Variants in CASZ1 observed in about 807,000 individuals in gnomAD.
CASZ1 encodes castor zinc finger 1, also known as zinc finger protein castor homolog 1.
In CASZ1, 28 loss-of-function variants were observed where a neutral mutation model predicts 135.2. The observed-to-expected ratio is 0.21, with a 90% CI of 0.15 to 0.28. The LOEUF (loss-of-function observed/expected upper bound fraction) is 0.28, where lower values mean the gene tolerates loss of function less well. CASZ1 is among the 10% of genes least tolerant of loss of function. The pLI, the probability that CASZ1 is intolerant of heterozygous loss-of-function variation, is 1.00. For synonymous variants in CASZ1, 1,068 were observed against 1,073.4 expected, an observed-to-expected ratio of 0.99 and a Z score of 0.10; for missense variants, 2,161 against 2,453.3, an observed-to-expected ratio of 0.88 and a Z score of 2.52.
chr1:10,750,604 T>C (rs914122858), intron 2 of CASZ1, among the ~76,000 whole-genome samples: 4 of 151,958 alleles, frequency 2.6e-5, no homozygotes, highest in African/African-American at 7.2e-5. Flanking sequence ...TGCGCACTTA[T>C]AGAAGGAGGC....
At chr1:10,705,950 C>G (rs1342574375) in intron 2 of CASZ1, among the ~76,000 whole-genome samples, 3 of 152,240 alleles carry the variant, frequency 2.0e-5, no homozygotes, top group Admixed American at 6.5e-5. Flanking sequence ...GGGACAATGA[C>G]AGAATACAGC....
chr1:10,728,524 G>A (rs1639636975), intron 2 of CASZ1, among the ~76,000 whole-genome samples: 1 of 152,138 alleles, frequency 6.6e-6, no homozygotes, highest in African/African-American at 2.4e-5. Context: ...TTTCTGAATT[G>A]TTTCTCTCCC....
rs1031236015 is a variant in CASZ1, at chr1:10,762,253, C to T, written c.-233-1396G>A. Among the ~76,000 whole-genome samples the T allele has an allele frequency of 6.6e-6, 1 of 151,896 alleles. No homozygotes were observed. Among genetic ancestry groups the T allele is most frequent in the African/African-American group, 2.4e-5 (1 of 41,314 alleles). On this transcript the variant is annotated intron_variant, in intron 1 of 20. Transcript: ENST00000377022. The surrounding 1 kb of genome is among the most constrained non-coding windows in gnomAD (Gnocchi z 4.1). ...GAGGCCATCAGGGGTGGACAGCATC[C>T]ACTGTCCAAGGCTTGGATCAGCCCA... is the stretch of plus-strand genomic sequence containing the variant.
At chr1:10,792,982 AC>A (rs1640991817) in intron 1 of CASZ1, among the ~76,000 whole-genome samples, 1 of 152,064 alleles carries the variant, frequency 6.6e-6, no homozygotes, top group Non-Finnish European at 1.5e-5. Flanking sequence ...ATATACCTCA[AC>A]CCCCACAGGC....
intron 3 of CASZ1, among the ~76,000 whole-genome samples, chr1:10,703,176 CCT>C (rs1235871540): frequency 2.6e-5 from 4 of 152,140 alleles, no homozygotes. Flanking sequence ...CTGCAGCAGA[CCT>C]CTGGCCGCGG....
intron 18 of CASZ1, among the ~76,000 whole-genome samples, chr1:10,644,440 A>G (rs927084794): frequency 6.6e-6 from 1 of 152,154 alleles, no homozygotes; most frequent in Non-Finnish European, 1.5e-5. Flanking sequence ...CCCCTGTGAC[A>G]GCACCCAGCC....
Position 10,741,733 on chromosome 1 carries a change from C to A in CASZ1, c.-77+18968G>T, listed in dbSNP as rs1029421241. On this transcript the variant is annotated intron_variant, in intron 2 of 20. Coordinates refer to ENST00000377022, the MANE Select transcript of CASZ1 (RefSeq NM_001079843.3). This position sits in a 1 kb window ranked among gnomAD's most constrained non-coding sequence, Gnocchi z 5.0. ...TCCTACTAGGCCCTGGAATGCCAGA[C>A]ATTTTGCAGCTTTTATAACATGTGT... Among the ~76,000 whole-genome samples, 1 of 152,178 alleles carries A rather than the reference C, an allele frequency of 6.6e-6. No homozygotes were observed. The highest frequency in any genetic ancestry group is 1.5e-5 in the Non-Finnish European group (1 of 68,016).
rs1231982093 is a variant in CASZ1, at chr1:10,639,655, G to A, written c.4567C>T (p.Arg1523Cys). ...THFHCLRCRF[R>C]CTDSTKVTAH... Reference sequence around the variant, plus strand: ...GTGACCTTGGTGCTGTCGGTGCAGCGGAAGCGGCAGCGCAGGCAGTGGAAG... The same window carrying A: ...GTGACCTTGGTGCTGTCGGTGCAGCAGAAGCGGCAGCGCAGGCAGTGGAAG... Residue 1523 changes from arginine (R) to cysteine (C), a missense_variant, in exon 21 of 21, where the codon CGC becomes TGC. Arg to Cys is a radical substitution (Grantham distance 180). This residue lies in a region of CASZ1 where 240 missense variants were observed against 321.4 expected (regional missense o/e 0.75). Coordinates refer to ENST00000377022, the MANE Select transcript of CASZ1 (RefSeq NM_001079843.3). The surrounding 1 kb of genome is among the most constrained non-coding windows in gnomAD (Gnocchi z 4.0). 2.5e-6 allele frequency: 4 copies of A among 1,604,484 alleles called. No individual in the cohort carries two copies. Among genetic ancestry groups the A allele is most frequent in the East Asian group, 2.2e-5 (1 of 44,578 alleles).
At chr1:10,789,528 C>T (rs1640917117) in intron 1 of CASZ1, among the ~76,000 whole-genome samples, 1 of 151,544 alleles carries the variant, frequency 6.6e-6, no homozygotes, top group Non-Finnish European at 1.5e-5. Flanking sequence ...GTCCCTGTCT[C>T]TCTCTCTCTC....
At chr1:10,745,092 C>A (rs1368277477) in intron 2 of CASZ1, among the ~76,000 whole-genome samples, 1 of 152,176 alleles carries the variant, frequency 6.6e-6, no homozygotes, top group Non-Finnish European at 1.5e-5. Flanking sequence ...CTTTGCTTGA[C>A]AAAGAAGATC....
Position 10,655,825 on chromosome 1 carries a change from C to G in CASZ1, c.1501-12G>C. ...TTACTCGTGAACCTCTGCCAGGAGA[C>G]AGCGCCACGTGGGCAGGAGCCTGAG... On this transcript the variant is annotated splice_polypyrimidine_tract_variant and intron_variant, in intron 8 of 20. Coordinates refer to ENST00000377022, the MANE Select transcript of CASZ1 (RefSeq NM_001079843.3). The G allele has an allele frequency of 1.9e-6, 3 of 1,611,774 alleles. No homozygotes were observed. The South Asian group carries it at 3.3e-5, about 18-fold the overall frequency.
At chr1:10,737,562 T>C (rs963563428) in intron 2 of CASZ1, among the ~76,000 whole-genome samples, 1 of 152,244 alleles carries the variant, frequency 6.6e-6, no homozygotes, top group East Asian at 1.9e-4. Context: ...GTTGTTTGCA[T>C]ACCCTGAGAT....
intron 1 of CASZ1, among the ~76,000 whole-genome samples, chr1:10,792,315 C>T (rs1570598096): frequency 5.6e-5 from 1 of 17,826 alleles, no homozygotes; most frequent in Admixed American, 2.9e-4. Context: ...ACATGGCTTA[C>T]CCCTCCCCCC....
chr1:10,784,281 G>T (rs945516349), intron 1 of CASZ1, among the ~76,000 whole-genome samples: 1 of 152,110 alleles, frequency 6.6e-6, no homozygotes, highest in Non-Finnish European at 1.5e-5. Flanking sequence ...TGTCCCATGG[G>T]GGGGTCCTCC....
In CASZ1 at chr1:10,709,122, C is replaced by G. The variant is rs185129130; in HGVS notation, c.-76-3578G>C. ...CCCTCTTGCTGGAGCCGCTGCTGGT[C>G]CAGGACTTGGCTTTGGAGCCTCTCA... On this transcript the variant is annotated intron_variant, in intron 2 of 20. Coordinates refer to ENST00000377022, the MANE Select transcript of CASZ1 (RefSeq NM_001079843.3). The surrounding 1 kb of genome is among the most constrained non-coding windows in gnomAD (Gnocchi z 5.1). Among the ~76,000 whole-genome samples the G allele has an allele frequency of 5.3e-5, 8 of 152,274 alleles. No individual in the cohort carries two copies. The East Asian group carries it at 1.3e-3, about 26-fold the overall frequency.
chr1:10,746,407 C>T (rs543045765), intron 2 of CASZ1, among the ~76,000 whole-genome samples: 6 of 152,332 alleles, frequency 3.9e-5, no homozygotes, highest in South Asian at 4.1e-4. Flanking sequence ...AGGCTGTAAA[C>T]GGCTCCAAGT....
intron 2 of CASZ1, among the ~76,000 whole-genome samples, chr1:10,715,514 C>G: frequency 6.7e-6 from 1 of 149,120 alleles, no homozygotes; most frequent in Non-Finnish European, 1.5e-5. Flanking sequence ...CCAATCCACA[C>G]CCCACAGCAC....
chr1:10,647,233 T>A lies in CASZ1; in HGVS notation c.3497+568A>T, dbSNP rs571029042. ...CGATATAAATAATCCAATTTATTAC[T>A]TTTATTGAGAACAGGAAGCCGCACA... On this transcript the variant is annotated intron_variant, in intron 16 of 20. Transcript: ENST00000377022. The surrounding 1 kb of genome is among the most constrained non-coding windows in gnomAD (Gnocchi z 4.9). The A allele has an allele frequency of 1.0e-6, 1 of 990,888 alleles. No individual in the cohort carries two copies. The highest frequency in any genetic ancestry group is 4.6e-5 in the South Asian group (1 of 21,852). 61.4% of individuals were successfully genotyped at this position (990,888 alleles called of 1,614,324 possible).
intron 4 of CASZ1, among the ~76,000 whole-genome samples, chr1:10,671,993 G>A (rs1245434530): frequency 6.6e-6 from 1 of 152,190 alleles, no homozygotes; most frequent in Non-Finnish European, 1.5e-5. Flanking sequence ...GCCAGAGACC[G>A]GAGTGGGAGA....
Sources: allele counts gnomAD v4.1 joint callset (sites outside exome capture counted in the v4.1 genomes callset), GRCh38; gene constraint gnomAD v4.1.1; regional missense constraint gnomAD v4.1.1; non-coding constraint Gnocchi (gnomAD v3.1); transcripts MANE v1.5; gene names NCBI Gene and HGNC (gene_info 2026-07-23, HGNC 2026-07-21).